KSR2: variants seen among roughly 807,000 people sequenced by gnomAD.
The protein encoded by KSR2 is kinase suppressor of ras 2.
KSR2 carries 25 observed loss-of-function variants against 107.8 expected under a neutral mutation model. The ratio of observed to expected loss-of-function variants is 0.23; its 90% CI spans 0.17 to 0.32. KSR2 has a LOEUF of 0.32. Among genes scored for constraint, KSR2 ranks in the 10% least tolerant of loss-of-function variants. The pLI is 1.00. For missense variants in KSR2, 887 were observed against 1,268.9 expected (o/e 0.70, Z 4.57); for synonymous variants, 480 against 507.0 (o/e 0.95, Z 0.71).
At chr12:117,653,748 G>A (rs534961428) in intron 5 of KSR2, among the ~76,000 whole-genome samples, 20 of 152,324 alleles carry the variant, frequency 1.3e-4, no homozygotes, top group African/African-American at 3.6e-4. Flanking sequence ...AACGCCTAGC[G>A]GGCCTATTTG....
intron 3 of KSR2, among the ~76,000 whole-genome samples, chr12:117,774,264 A>G (rs954125574): frequency 3.3e-5 from 5 of 152,204 alleles, no homozygotes; most frequent in African/African-American, 1.2e-4. Flanking sequence ...ATCCAGGAAA[A>G]TTTTTTGAGT....
At chr12:117,750,249 TAA>T (rs34642697) in intron 4 of KSR2, among the ~76,000 whole-genome samples, 394 of 122,218 alleles carry the variant, frequency 3.2e-3, no homozygotes, top group East Asian at 0.01. Flanking sequence ...GACTCTGTCT[TAA>T]AAAAAAAAAA....
At chr12:117,517,227 GT>G (rs1464308604) in intron 14 of KSR2, among the ~76,000 whole-genome samples, 3 of 152,326 alleles carry the variant, frequency 2.0e-5, no homozygotes, top group East Asian at 3.9e-4. Context: ...ACCACGTCAT[GT>G]TTTAAGACTT....
At chr12:117,916,356 C>T (rs1399594963) in intron 1 of KSR2, among the ~76,000 whole-genome samples, 3 of 151,806 alleles carry the variant, frequency 2.0e-5, no homozygotes, top group African/African-American at 7.3e-5. Context: ...AGGCTGGTCT[C>T]GAACTCCCAA....
At chr12:117,825,206 C>T (rs1891697792) in intron 3 of KSR2, among the ~76,000 whole-genome samples, 1 of 152,074 alleles carries the variant, frequency 6.6e-6, no homozygotes, top group Non-Finnish European at 1.5e-5. Flanking sequence ...AAGTGCCTGA[C>T]ACATATTAGG....
At chr12:117,805,301 C>G (rs1364557234) in intron 3 of KSR2, among the ~76,000 whole-genome samples, 1 of 152,208 alleles carries the variant, frequency 6.6e-6, no homozygotes, top group Non-Finnish European at 1.5e-5. Context: ...ATCTTTGAAC[C>G]ACCTTGGGCC....
intron 1 of KSR2, among the ~76,000 whole-genome samples, chr12:117,870,727 T>G (rs190073762): frequency 3.3e-5 from 5 of 152,326 alleles, no homozygotes; most frequent in Admixed American, 2.6e-4. Context: ...ACTGAGATCC[T>G]GCGCTTGCCA....
chr12:117,783,098 A>C (rs539937636), intron 3 of KSR2, among the ~76,000 whole-genome samples: 2 of 152,358 alleles, frequency 1.3e-5, no homozygotes, highest in East Asian at 3.9e-4. Flanking sequence ...GGAAAAAATA[A>C]AAATGACAAT....
At chr12:117,524,247 T>A (rs949072787) in intron 14 of KSR2, among the ~76,000 whole-genome samples, 7 of 152,214 alleles carry the variant, frequency 4.6e-5, no homozygotes, top group Non-Finnish European at 8.8e-5. Flanking sequence ...ATTTCACATA[T>A]GGAGAAAGTG....
intron 4 of KSR2, among the ~76,000 whole-genome samples, chr12:117,751,280 G>A (rs565876681): frequency 6.6e-6 from 1 of 152,202 alleles, no homozygotes; most frequent in Non-Finnish European, 1.5e-5. Flanking sequence ...ATGCTAAACT[G>A]TGAGTCCATT....
At chr12:117,603,162 G>A (rs990296959) in intron 5 of KSR2, among the ~76,000 whole-genome samples, 1 of 152,084 alleles carries the variant, frequency 6.6e-6, no homozygotes, top group African/African-American at 2.4e-5. Context: ...TTCAAGTTAT[G>A]GGATTTATGC....
At chr12:117,953,075 G>A (rs1338586397) in intron 1 of KSR2, among the ~76,000 whole-genome samples, 1 of 151,724 alleles carries the variant, frequency 6.6e-6, no homozygotes, top group Non-Finnish European at 1.5e-5. Flanking sequence ...ATGGCCAATA[G>A]GCACATGAAA....
rs1347566282 is a variant in KSR2 at position 117,461,908 on chromosome 12, T to C, written c.*5291A>G. 6.6e-6 allele frequency: 1 copy of C among 152,186 alleles called. No individual in the cohort carries two copies. The highest frequency in any genetic ancestry group is 6.5e-5 in the Admixed American group (1 of 15,276). 9.4% of individuals were successfully genotyped at this position (152,186 alleles called of 1,614,324 possible). On this transcript the variant is annotated 3_prime_UTR_variant, in exon 20 of 20. Coordinates refer to ENST00000339824, the MANE Select transcript of KSR2 (RefSeq NM_173598.6). ...ACTCCTTTGTCAATGAACAAGAGTA[T>C]AGATAAAATCAGATGCTGTGTCACC...
chr12:117,656,020 G>A (rs1268097895), intron 5 of KSR2, among the ~76,000 whole-genome samples: 5 of 152,178 alleles, frequency 3.3e-5, no homozygotes, highest in Non-Finnish European at 7.3e-5. Context: ...TTGCTGAGGT[G>A]CCTGCTGAAG....
intron 5 of KSR2, among the ~76,000 whole-genome samples, chr12:117,656,949 TATATATATAATAGG>T (rs1325398664): frequency 1.1e-4 from 13 of 122,896 alleles, no homozygotes; most frequent in African/African-American, 3.9e-4. Flanking sequence ...AGGATATATA[TATATATATAATAGG>T]ATATATATAT....
chr12:117,694,620 A>G (rs1164157187), intron 4 of KSR2, among the ~76,000 whole-genome samples: 1 of 152,216 alleles, frequency 6.6e-6, no homozygotes, highest in Non-Finnish European at 1.5e-5. Context: ...ACAGCAGTTC[A>G]CATGTTCACA....
intron 3 of KSR2, among the ~76,000 whole-genome samples, chr12:117,828,367 C>A (rs780836349): frequency 6.6e-6 from 1 of 152,204 alleles, no homozygotes; most frequent in South Asian, 2.1e-4. Context: ...CACGGCAGCA[C>A]GTAAAAGCCC....
intron 1 of KSR2, among the ~76,000 whole-genome samples, chr12:117,893,907 CTTT>C (rs56095185): frequency 0.3 from 38,462 of 128,602 alleles, 5,074 homozygotes; most frequent in East Asian, 0.73. Flanking sequence ...GAACAAAATT[CTTT>C]TTTTTTTTTT....
At chr12:117,737,187 CTAATG>C (rs1887979507) in intron 4 of KSR2, among the ~76,000 whole-genome samples, 1 of 152,180 alleles carries the variant, frequency 6.6e-6, no homozygotes, top group Non-Finnish European at 1.5e-5. Flanking sequence ...GTCTCTAATC[CTAATG>C]TAACATCATA....
Sources: allele counts gnomAD v4.1 joint callset (sites outside exome capture counted in the v4.1 genomes callset), GRCh38; gene constraint gnomAD v4.1.1; transcripts MANE v1.5; gene names NCBI Gene and HGNC (gene_info 2026-07-23, HGNC 2026-07-21).